Variants in ZC3H14 observed in about 807,000 individuals in gnomAD.
ZC3H14 encodes zinc finger CCCH-type containing 14, also known as zinc finger CCCH domain-containing protein 14.
Under a neutral mutation model 92.4 loss-of-function variants are expected in ZC3H14, and 31 were observed. The ratio of observed to expected loss-of-function variants is 0.34; its 90% CI spans 0.25 to 0.45. The LOEUF (loss-of-function observed/expected upper bound fraction) is 0.45, where lower values mean the gene tolerates loss of function less well. Among genes scored for constraint, ZC3H14 ranks in the 20% least tolerant of loss-of-function variants. ZC3H14 has a pLI of 1.00. For synonymous variants in ZC3H14, 321 were observed against 300.9 expected, an observed-to-expected ratio of 1.07 and a Z score of -0.69; for missense variants, 781 against 897.3, an observed-to-expected ratio of 0.87 and a Z score of 1.66.
intron 9 of ZC3H14, among the ~76,000 whole-genome samples, chr14:88,592,968 A>C (rs1197035163): frequency 8.0e-6 from 1 of 124,350 alleles, no homozygotes; most frequent in Non-Finnish European, 1.7e-5. Flanking sequence ...AGTCTTTACT[A>C]TTCTTTTTTT....
rs1366862855 is a variant in ZC3H14, at chr14:88,621,875, G to T, written c.*10124G>T. 2.2e-6 allele frequency: 1 copy of T among 456,316 alleles called. No individual in the cohort carries two copies. Among genetic ancestry groups the T allele is most frequent in the African/African-American group, 2.0e-5 (1 of 50,132 alleles). 28.3% of individuals were successfully genotyped at this position (456,316 alleles called of 1,614,324 possible). ...AGACATTTATCATTTCTTTGTGATGGAAACTTTCAAAATCCTCTCTTGTAA... is the reference window on the plus strand; with the variant it reads ...AGACATTTATCATTTCTTTGTGATGTAAACTTTCAAAATCCTCTCTTGTAA... On this transcript the variant is annotated 3_prime_UTR_variant, in exon 17 of 17. Coordinates refer to ENST00000251038, the MANE Select transcript of ZC3H14 (RefSeq NM_024824.5).
intron 9 of ZC3H14, among the ~76,000 whole-genome samples, chr14:88,584,522 CAT>C (rs1302243324): frequency 6.6e-6 from 1 of 152,170 alleles, no homozygotes; most frequent in Admixed American, 6.5e-5. Context: ...TGTAAGCAAA[CAT>C]AAAGATGCAG....
At chr14:88,608,942 G>C (rs537554668) in intron 13 of ZC3H14, 18 of 324,498 alleles carry the variant, frequency 5.5e-5, no homozygotes, top group African/African-American at 3.9e-4. Flanking sequence ...GCCTTGCATA[G>C]AGGATGTGTT....
At chr14:88,587,719 G>A (rs984065747) in intron 9 of ZC3H14, among the ~76,000 whole-genome samples, 1 of 152,150 alleles carries the variant, frequency 6.6e-6, no homozygotes, top group African/African-American at 2.4e-5. Context: ...GCTGAGGTGG[G>A]AGATTTGCTT....
Position 88,618,943 on chromosome 14 carries a change from C to T in ZC3H14, c.*7192C>T. ...GCCTCAAATAGATTTACCTGTCAGACACAACTGATCATGTATACTGAGATT... is the reference window on the plus strand; with the variant it reads ...GCCTCAAATAGATTTACCTGTCAGATACAACTGATCATGTATACTGAGATT... On this transcript the variant is annotated 3_prime_UTR_variant, in exon 17 of 17. Coordinates refer to ENST00000251038, the MANE Select transcript of ZC3H14 (RefSeq NM_024824.5). The T allele has an allele frequency of 1.3e-6, 1 of 780,424 alleles. No homozygotes were observed. Among genetic ancestry groups the T allele is most frequent in the East Asian group, 2.7e-5 (1 of 36,546 alleles). 48.3% of individuals were successfully genotyped at this position (780,424 alleles called of 1,614,324 possible).
intron 1 of ZC3H14, 161 bp downstream of exon 1, chr14:88,563,330 G>A: frequency 6.7e-7 from 1 of 1,493,842 alleles, no homozygotes; most frequent in Non-Finnish European, 8.9e-7. Flanking sequence ...CCTCGGCCCT[G>A]GGGACATTTG....
chr14:88,570,522 T>G (rs956136663), intron 3 of ZC3H14, among the ~76,000 whole-genome samples: 3 of 152,216 alleles, frequency 2.0e-5, no homozygotes, highest in Admixed American at 6.5e-5. Context: ...CCATCTAGTT[T>G]AAGCAGTTAA....
At position 88,617,582 on chromosome 14, in the gene ZC3H14, A is replaced by G. The variant is rs986553534; in HGVS notation, c.*5831A>G. ...CCAAGAGTTTGAGACCAGCCTGGGC[A>G]ATATTGTGAGATCCCTATCTCTACA... On this transcript the variant is annotated 3_prime_UTR_variant, in exon 17 of 17. Transcript: ENST00000251038. 2.0e-5 allele frequency: 3 copies of G among 152,404 alleles called. No individual in the cohort carries two copies. The highest frequency in any genetic ancestry group is 4.1e-4 in the South Asian group (2 of 4,836). 9.4% of individuals were successfully genotyped at this position (152,404 alleles called of 1,614,324 possible).
chr14:88,624,908 A>C lies in ZC3H14; in HGVS notation c.*13157A>C. 1 of 1,572,384 alleles carries C rather than the reference A, an allele frequency of 6.4e-7. No individual in the cohort carries two copies. The highest frequency in any genetic ancestry group is 8.6e-7 in the Non-Finnish European group (1 of 1,157,738). ...TAGCCTAGAAACAACTAGAATAATT[A>C]ACTGCAAACCTCAGGTAGGTCACAA... On this transcript the variant is annotated 3_prime_UTR_variant, in exon 17 of 17. Transcript: ENST00000251038.
At chr14:88,581,234 T>G (rs1299741684) in intron 9 of ZC3H14, among the ~76,000 whole-genome samples, 3 of 152,134 alleles carry the variant, frequency 2.0e-5, no homozygotes, top group Non-Finnish European at 4.4e-5. Context: ...GTTCCCAGAT[T>G]GTGGTCTTGG....
intron 13 of ZC3H14, chr14:88,608,199 A>G: frequency 4.9e-6 from 2 of 408,932 alleles, no homozygotes; most frequent in South Asian, 3.4e-5. Context: ...TGCAAGTACC[A>G]TCCCCCATCT....
At chr14:88,571,057 A>AT in intron 3 of ZC3H14, 27 bp from the exon 4 acceptor site, 1 of 1,526,312 alleles carries the variant, frequency 6.6e-7, no homozygotes. Flanking sequence ...CAGAAGGTTT[A>AT]TTTTTGTTTT....
chr14:88,609,267 A>C lies in ZC3H14; in HGVS notation c.1869A>C (p.Lys623Asn). 1 of 1,613,738 alleles carries C rather than the reference A, an allele frequency of 6.2e-7. No individual in the cohort carries two copies. The highest frequency in any genetic ancestry group is 2.2e-5 in the East Asian group (1 of 44,828). The change falls in exon 14 of 17, where the codon AAA becomes AAC. Residue 623 changes from lysine to asparagine, a missense_variant and splice_region_variant. By Grantham distance (94) the Lys-to-Asn change is moderately conservative. Coordinates refer to ENST00000251038, the MANE Select transcript of ZC3H14 (RefSeq NM_024824.5). ...CAYHHPISPC[K>N]AFPNCKFAEK... ...AATATGCTTTTTTTTTGTTTTGTAG[A>C]GCCTTCCCCAATTGTAAATTTGCTG...
Position 88,602,928 on chromosome 14 carries a change from A to G in ZC3H14, c.1615A>G (p.Met539Val). 1.2e-6 allele frequency: 2 copies of G among 1,614,146 alleles called. No homozygotes were observed. The highest frequency in any genetic ancestry group is 8.5e-7 in the Non-Finnish European group (1 of 1,180,018). ...PGYMSDQEEDMCFEGMKPVNQ... is the reference protein window; with the variant it reads ...PGYMSDQEEDVCFEGMKPVNQ... ...ATACATGTCAGATCAAGAGGAGGAC[A>G]TGTGCTTTGAAGGAATGAAACCCGT... The change falls in exon 12 of 17, where the codon ATG becomes GTG. Residue 539 changes from methionine (M) to valine (V), a missense_variant. Transcript: ENST00000251038.
In ZC3H14 at chr14:88,572,692, T is replaced by G. The variant is rs780575845; in HGVS notation, c.546T>G (p.Ile182Met). The change falls in exon 6 of 17, where the codon ATT becomes ATG. Residue 182 changes from isoleucine to methionine, a missense_variant. Ile to Met is a conservative substitution (Grantham distance 10, BLOSUM62 1). Transcript: ENST00000251038. ...TTAAGCCAGAACCAGATGATCTCAT[T>G]GACGAAGACCTCAACTTTGTGCAGG... is the stretch of plus-strand genomic sequence containing the variant. ...IDIKPEPDDL[I>M]DEDLNFVQEN... 6.2e-7 allele frequency: 1 copy of G among 1,614,198 alleles called. No homozygotes were observed. Among genetic ancestry groups the G allele is most frequent in the Non-Finnish European group, 8.5e-7 (1 of 1,180,036 alleles).
chr14:88,581,090 A>G (rs1389322603), intron 9 of ZC3H14, among the ~76,000 whole-genome samples: 1 of 152,224 alleles, frequency 6.6e-6, no homozygotes, highest in African/African-American at 2.4e-5. Context: ...TCAGACAAGT[A>G]AAAGCCTGTT....
In ZC3H14 at chr14:88,615,218, C is replaced by G. The variant is rs1209461065; in HGVS notation, c.*3467C>G. On this transcript the variant is annotated 3_prime_UTR_variant, in exon 17 of 17. Coordinates refer to ENST00000251038, the MANE Select transcript of ZC3H14 (RefSeq NM_024824.5). ...GGATCTGTTCCTGAATTCAAAACTA[C>G]TAGGAGAAAAGTGTCCTTTATAAAA... 1 of 152,108 alleles carries G rather than the reference C, an allele frequency of 6.6e-6. No homozygotes were observed. Among genetic ancestry groups the G allele is most frequent in the Non-Finnish European group, 1.5e-5 (1 of 68,022 alleles). The allele number at this position is 152,108 out of a possible 1,614,324, so 9.4% of individuals were successfully genotyped here. A position where few individuals can be genotyped will look rare whatever the true frequency, so the allele number is the denominator to read the frequency against.
chr14:88,577,300 A>C (rs2081296386), intron 8 of ZC3H14, among the ~76,000 whole-genome samples: 1 of 152,228 alleles, frequency 6.6e-6, no homozygotes. Flanking sequence ...AGTTTAGAGA[A>C]GTTCCATGAC....
chr14:88,603,156 CT>C, intron 12 of ZC3H14, 96 bp downstream of exon 12: 1 of 1,209,160 alleles, frequency 8.3e-7, no homozygotes, highest in Non-Finnish European at 1.2e-6. Context: ...AAAGGCCTTG[CT>C]TTTATTTATA....
Sources: allele counts gnomAD v4.1 joint callset (sites outside exome capture counted in the v4.1 genomes callset), GRCh38; gene constraint gnomAD v4.1.1; transcripts MANE v1.5; gene names NCBI Gene and HGNC (gene_info 2026-07-23, HGNC 2026-07-21).